The following PHIP variants were observed in gnomAD, a reference collection of about 807,000 sequenced individuals.
PHIP encodes PH-interacting protein.
PHIP carries 54 observed loss-of-function variants against 236.8 expected under a neutral mutation model. The ratio of observed to expected loss-of-function variants is 0.23; its 90% CI spans 0.18 to 0.29. The LOEUF is 0.29. PHIP is among the 10% of genes least tolerant of loss of function. The probability of loss-of-function intolerance (pLI) is 1.00; values close to 1 mark genes in which losing one functional copy is unlikely to be tolerated. For missense variants in PHIP, 1,370 were observed against 2,190.8 expected, an observed-to-expected ratio of 0.63 and a Z score of 7.48; for synonymous variants, 756 against 718.9, an observed-to-expected ratio of 1.05 and a Z score of -0.83.
chr6:78,997,208 CG>C (rs765870734), intron 19 of PHIP, among the ~76,000 whole-genome samples: 14 of 151,998 alleles, frequency 9.2e-5, no homozygotes, highest in Non-Finnish European at 1.8e-4. Context: ...GACCTTAACA[CG>C]TATCATTCTT....
At chr6:79,063,985 C>G (rs1773505474) in intron 4 of PHIP, among the ~76,000 whole-genome samples, 1 of 152,050 alleles carries the variant, frequency 6.6e-6, no homozygotes, top group African/African-American at 2.4e-5. Context: ...CTTCCCCACC[C>G]CTCATTTTCT....
rs565084330 is a variant in PHIP, at chr6:78,955,480, T to C, written c.3852+133A>G. 4.5e-5 allele frequency: 25 copies of C among 554,260 alleles called. No homozygotes were observed. The South Asian group carries it at 7.4e-4, about 16-fold the overall frequency. 34.3% of individuals were successfully genotyped at this position (554,260 alleles called of 1,614,324 possible). A position where few individuals can be genotyped will look rare whatever the true frequency, so the allele number is the denominator to read the frequency against. ...ATAAGAAGAATATTCTACTGCCAGTTGTTTTTTTTTTTTAAATTAACTACA... is the reference window on the plus strand; with the variant it reads ...ATAAGAAGAATATTCTACTGCCAGTCGTTTTTTTTTTTTAAATTAACTACA... On this transcript the variant is annotated intron_variant, in intron 33 of 39. Transcript: ENST00000275034.
chr6:78,959,156 T>C (rs1766604541), intron 31 of PHIP, among the ~76,000 whole-genome samples: 1 of 152,048 alleles, frequency 6.6e-6, no homozygotes, highest in South Asian at 2.1e-4. Flanking sequence ...TAATTGACAA[T>C]GCTAAAATAA....
chr6:79,033,241 C>T (rs1771760358), intron 7 of PHIP, among the ~76,000 whole-genome samples: 1 of 152,172 alleles, frequency 6.6e-6, no homozygotes, highest in Non-Finnish European at 1.5e-5. Flanking sequence ...ACACTGGTTT[C>T]AACTTCAAGT....
Position 79,017,603 on chromosome 6 carries a change from T to G in PHIP, c.995-20A>C. 1 of 1,542,248 alleles carries G rather than the reference T, an allele frequency of 6.5e-7. No homozygotes were observed. The highest frequency in any genetic ancestry group is 9.0e-7 in the Non-Finnish European group (1 of 1,116,548). ...TTCCACCTATGAAGAATAACAGCAA[T>G]TGTTAAGAAGTAAAACATAACTTCA... On this transcript the variant is annotated intron_variant, in intron 10 of 39. Transcript: ENST00000275034.
chr6:79,029,384 G>A (rs1771553485), intron 7 of PHIP, among the ~76,000 whole-genome samples: 1 of 152,058 alleles, frequency 6.6e-6, no homozygotes, highest in African/African-American at 2.4e-5. Flanking sequence ...GATAATCTGA[G>A]CATGAATTCA....
chr6:79,022,206 T>C (rs1238799908), intron 9 of PHIP, among the ~76,000 whole-genome samples: 2 of 152,200 alleles, frequency 1.3e-5, no homozygotes, highest in Admixed American at 1.3e-4. Flanking sequence ...TGTACCTCAG[T>C]ATCCTCATCT....
At chr6:79,036,226 T>C (rs1261176371) in intron 7 of PHIP, among the ~76,000 whole-genome samples, 1 of 152,198 alleles carries the variant, frequency 6.6e-6, no homozygotes, top group African/African-American at 2.4e-5. Context: ...GTAGAAACTG[T>C]TAATTGTGGA....
intron 29 of PHIP, 118 bp from the exon 30 acceptor site, chr6:78,963,370 T>G: frequency 2.9e-6 from 2 of 681,622 alleles, no homozygotes; most frequent in Non-Finnish European, 4.6e-6. Flanking sequence ...GATTTGTAAA[T>G]ATACTCTTTA....
chr6:79,077,979 C>G, intron 1 of PHIP, 50 bp downstream of exon 1: 1 of 1,599,022 alleles, frequency 6.3e-7, no homozygotes, highest in Non-Finnish European at 8.5e-7. Flanking sequence ...GGCGGGGGAC[C>G]GCGGGCGGAA....
At chr6:79,049,741 A>C (rs1456122959) in intron 6 of PHIP, among the ~76,000 whole-genome samples, 2 of 152,162 alleles carry the variant, frequency 1.3e-5, no homozygotes, top group African/African-American at 4.8e-5. Flanking sequence ...CAAGAAAATA[A>C]TGCTATATTC....
At chr6:79,035,379 A>C (rs1771877416) in intron 7 of PHIP, among the ~76,000 whole-genome samples, 1 of 152,196 alleles carries the variant, frequency 6.6e-6, no homozygotes, top group Non-Finnish European at 1.5e-5. Context: ...TAACACAAGC[A>C]GAAAACTGTA....
At chr6:78,991,154 TC>T (rs556074136) in intron 19 of PHIP, among the ~76,000 whole-genome samples, 169 bp from the exon 20 acceptor site, 43 of 152,262 alleles carry the variant, frequency 2.8e-4, no homozygotes, top group African/African-American at 9.6e-4. Flanking sequence ...GCTCAGGACA[TC>T]CGGCATTAAA....
chr6:79,043,846 AAC>A (rs1458474396), intron 6 of PHIP, among the ~76,000 whole-genome samples: 1 of 145,582 alleles, frequency 6.9e-6, no homozygotes, highest in African/African-American at 2.5e-5. Context: ...TTTTTTTTCT[AAC>A]AGTGACTGCC....
intron 20 of PHIP, among the ~76,000 whole-genome samples, chr6:78,988,797 C>G (rs1769030311): frequency 6.6e-5 from 10 of 151,450 alleles, no homozygotes; most frequent in Admixed American, 6.6e-4. Flanking sequence ...AAACCAAACA[C>G]TGAACTCTTC....
chr6:79,017,686 A>G (rs1770900643), intron 10 of PHIP, 103 bp from the exon 11 acceptor site: 1 of 728,840 alleles, frequency 1.4e-6, no homozygotes, highest in African/African-American at 1.8e-5. Context: ...TACTGAATTA[A>G]TATTTTACTC....
At chr6:79,059,252 A>T (rs942862813) in intron 6 of PHIP, among the ~76,000 whole-genome samples, 1 of 152,028 alleles carries the variant, frequency 6.6e-6, no homozygotes, top group Non-Finnish European at 1.5e-5. Flanking sequence ...AGGAACACAG[A>T]GGTTATTTTA....
At chr6:78,966,088 T>C (rs766361351) in intron 27 of PHIP, 32 bp from the exon 28 acceptor site, 2 of 1,264,432 alleles carry the variant, frequency 1.6e-6, no homozygotes, top group Non-Finnish European at 2.3e-6. Context: ...CTCATCATTC[T>C]GAAATGCATG....
At chr6:79,001,297 A>G (rs1376105770) in intron 17 of PHIP, among the ~76,000 whole-genome samples, 1 of 152,052 alleles carries the variant, frequency 6.6e-6, no homozygotes, top group African/African-American at 2.4e-5. Flanking sequence ...TTAATTCTTC[A>G]ACACTCCATT....
Sources: gnomAD v4.1 joint callset for allele counts (sites outside exome capture counted in the v4.1 genomes callset) on GRCh38, gnomAD v4.1.1 for gene constraint, MANE v1.5 for transcripts, NCBI Gene and HGNC (gene_info 2026-07-23, HGNC 2026-07-21) for gene names.